OR2L13: variants seen among roughly 807,000 people sequenced by gnomAD.
OR2L13 encodes the protein olfactory receptor family 2 subfamily L member 13.
A neutral mutation model predicts 15.3 loss-of-function variants in OR2L13; 14 were observed. The ratio of observed to expected loss-of-function variants is 0.91; its 90% confidence interval spans 0.60 to 1.43. The LOEUF (loss-of-function observed/expected upper bound fraction) is 1.43, where lower values mean the gene tolerates loss of function less well. Among genes scored for constraint, OR2L13 ranks in the 40% most tolerant of loss-of-function variants. The pLI is 0.00. For missense variants in OR2L13, 367 were observed against 387.9 expected (o/e 0.95, Z 0.45); for synonymous variants, 152 against 142.9 (o/e 1.06, Z -0.45).
the OR2L13 span, among the ~76,000 whole-genome samples, chr1:247,941,866 G>C: frequency 2.6e-5 from 4 of 152,134 alleles, no homozygotes; most frequent in Non-Finnish European, 5.9e-5. Context: ...GTATGTTTCA[G>C]ATTTTGTGGC....
At chr1:248,049,801 T>G in the OR2L13 span, among the ~76,000 whole-genome samples, 1 of 152,160 alleles carries the variant, frequency 6.6e-6, no homozygotes, top group Non-Finnish European at 1.5e-5. Flanking sequence ...TCAGATTTAC[T>G]GCCAAAAAAT....
At chr1:248,061,351 G>C in the OR2L13 span, 13 of 1,613,786 alleles carry the variant, frequency 8.1e-6, no homozygotes, top group Admixed American at 1.3e-4. Context: ...TCTCCTTGCT[G>C]TCTACCACAT....
At chr1:248,057,652 G>A in the OR2L13 span, among the ~76,000 whole-genome samples, 9,162 of 152,034 alleles carry the variant, frequency 0.06, 634 homozygotes, top group East Asian at 0.35. Flanking sequence ...CCATTTATTC[G>A]TGTCTTCTTT....
the OR2L13 span, among the ~76,000 whole-genome samples, chr1:248,088,289 G>T: frequency 6.6e-6 from 1 of 151,692 alleles, no homozygotes; most frequent in Admixed American, 6.6e-5. Flanking sequence ...GGTGAATTTC[G>T]ACTATTTTGA....
chr1:248,064,076 G>A, the OR2L13 span, among the ~76,000 whole-genome samples: 1 of 152,224 alleles, frequency 6.6e-6, no homozygotes, highest in Non-Finnish European at 1.5e-5. Flanking sequence ...TGGGAAGAGT[G>A]AGCAGGAAGT....
chr1:247,992,247 T>C, the OR2L13 span, among the ~76,000 whole-genome samples: 1 of 130,638 alleles, frequency 7.7e-6, no homozygotes, highest in Non-Finnish European at 1.6e-5. Context: ...TAGCTTACTC[T>C]ACTGTAAGAA....
the OR2L13 span, chr1:248,038,877 A>G: frequency 6.2e-7 from 1 of 1,614,104 alleles, no homozygotes; most frequent in Non-Finnish European, 8.5e-7. Context: ...GAGCAGCACC[A>G]TCTTTCTTGT....
the OR2L13 span, chr1:248,061,338 G>A: frequency 6.2e-7 from 1 of 1,613,834 alleles, no homozygotes. Context: ...CCTATGGCCG[G>A]GTTCTCCTTG....
At chr1:248,095,059 T>A (rs1664684574), upstream of OR2L13, 1 of 152,158 alleles carries the variant, frequency 6.6e-6, no homozygotes, top group Admixed American at 6.6e-5. Context: ...ATCAGCAAAG[T>A]CAAGTGAAGT....
the OR2L13 span, among the ~76,000 whole-genome samples, chr1:248,002,668 G>C: frequency 0.055 from 8,411 of 152,152 alleles, 724 homozygotes; most frequent in African/African-American, 0.19. Context: ...ACCATCCTGT[G>C]TAACACGGTG....
the OR2L13 span, among the ~76,000 whole-genome samples, chr1:247,967,254 A>C: frequency 1.9e-4 from 29 of 151,886 alleles, no homozygotes; most frequent in Non-Finnish European, 3.4e-4. Flanking sequence ...TTTGAGATAG[A>C]GTCTTGTTCT....
At chr1:247,951,088 G>A in the OR2L13 span, among the ~76,000 whole-genome samples, 380 of 152,134 alleles carry the variant, frequency 2.5e-3, 6 homozygotes, top group Admixed American at 2.6e-3. Context: ...AATTAAATCA[G>A]TTAGCTAGAG....
the OR2L13 span, among the ~76,000 whole-genome samples, chr1:247,977,070 C>A: frequency 2.0e-5 from 3 of 152,178 alleles, no homozygotes; most frequent in African/African-American, 7.2e-5. Context: ...CATGTGTCAT[C>A]ACAATGTATT....
chr1:248,041,699 G>A, the OR2L13 span: 3 of 152,104 alleles, frequency 2.0e-5, no homozygotes, highest in Non-Finnish European at 1.5e-5. Context: ...AGTGGGTGAA[G>A]GACATGAACA....
the OR2L13 span, among the ~76,000 whole-genome samples, chr1:248,014,313 TA>T: frequency 1.3e-5 from 2 of 152,072 alleles, no homozygotes; most frequent in African/African-American, 2.4e-5. Flanking sequence ...TACCAGTCTG[TA>T]GAGCAATGAT....
chr1:247,937,882 CTT>C, the OR2L13 span, among the ~76,000 whole-genome samples: 1 of 151,998 alleles, frequency 6.6e-6, no homozygotes, highest in Non-Finnish European at 1.5e-5. Flanking sequence ...ATATATGAAA[CTT>C]TAATGAAAAA....
chr1:248,094,328 A>C (rs1043503585), upstream of OR2L13, among the ~76,000 whole-genome samples: 1 of 152,218 alleles, frequency 6.6e-6, no homozygotes, highest in Non-Finnish European at 1.5e-5. Context: ...AAAAAGAACA[A>C]TATAACCCCA....
chr1:247,944,791 T>C, the OR2L13 span, among the ~76,000 whole-genome samples: 20 of 152,110 alleles, frequency 1.3e-4, no homozygotes, highest in African/African-American at 4.1e-4. Flanking sequence ...ACCTTTATAA[T>C]AGAATAATTT....
chr1:247,960,517 A>C, the OR2L13 span, among the ~76,000 whole-genome samples: 1 of 152,170 alleles, frequency 6.6e-6, no homozygotes, highest in African/African-American at 2.4e-5. Flanking sequence ...CCTTTTGTTC[A>C]GGTATGCCCT....
Sources: gnomAD v4.1 joint callset for allele counts (sites outside exome capture counted in the v4.1 genomes callset) on GRCh38, gnomAD v4.1.1 for gene constraint, MANE v1.5 for transcripts, NCBI Gene and HGNC (gene_info 2026-07-23, HGNC 2026-07-21) for gene names.